VAV2: variants seen among roughly 807,000 people sequenced by gnomAD.
VAV2 encodes the protein guanine nucleotide exchange factor VAV2.
In VAV2, 67 loss-of-function variants were observed where a neutral mutation model predicts 132.5. The ratio of observed to expected loss-of-function variants is 0.51; its 90% CI spans 0.42 to 0.62. The LOEUF (loss-of-function observed/expected upper bound fraction) is 0.62. VAV2 is among the 20% of genes least tolerant of loss of function. The pLI is 0.00. For missense variants in VAV2, 938 were observed against 1,153.6 expected (o/e 0.81, Z 2.71); for synonymous variants, 492 against 443.5 (o/e 1.11, Z -1.37).
intron 1 of VAV2, among the ~76,000 whole-genome samples, chr9:133,951,050 C>T (rs1225938181): frequency 6.6e-6 from 1 of 152,190 alleles, no homozygotes; most frequent in Non-Finnish European, 1.5e-5. Context: ...GAACGATTCT[C>T]GCTATTATCC....
chr9:133,928,450 T>C lies in VAV2; in HGVS notation c.321+10653A>G, dbSNP rs1381771659. On this transcript the variant is annotated intron_variant, in intron 2 of 29. Transcript: ENST00000371850. This position sits in a 1 kb window ranked among gnomAD's most constrained non-coding sequence, Gnocchi z 5.4. ...CGACTGCATTTTAATAAGTAATTAGTGTGGAGTGGATGCTGCTACAAAGAC... is the reference window on the plus strand; with the variant it reads ...CGACTGCATTTTAATAAGTAATTAGCGTGGAGTGGATGCTGCTACAAAGAC... Among the ~76,000 whole-genome samples, 1 of 152,108 alleles carries C rather than the reference T, an allele frequency of 6.6e-6. No individual in the cohort carries two copies. The highest frequency in any genetic ancestry group is 2.4e-5 in the African/African-American group (1 of 41,414).
At chr9:133,846,547 A>G (rs1836942443) in intron 3 of VAV2, among the ~76,000 whole-genome samples, 1 of 147,700 alleles carries the variant, frequency 6.8e-6, no homozygotes, top group Admixed American at 6.6e-5. Flanking sequence ...TCCCCTGTCC[A>G]GCCCTGTCCC....
At chr9:133,908,105 G>A (rs2132034710) in intron 2 of VAV2, among the ~76,000 whole-genome samples, 1 of 150,058 alleles carries the variant, frequency 6.7e-6, no homozygotes, top group African/African-American at 2.5e-5. Context: ...AGGGTCTGGG[G>A]GCACCCCTCC....
Position 133,763,412 on chromosome 9 carries a change from CG to C in VAV2, c.*649del, listed in dbSNP as rs1564320864. 1 of 152,370 alleles carries C rather than the reference CG, an allele frequency of 6.6e-6. No homozygotes were observed. The highest frequency in any genetic ancestry group is 1.5e-5 in the Non-Finnish European group (1 of 68,190). The allele number at this position is 152,370 out of a possible 1,614,324, so 9.4% of individuals were successfully genotyped here. On this transcript the variant is annotated 3_prime_UTR_variant, in exon 30 of 30. Transcript: ENST00000371850. The surrounding 1 kb of genome is among the most constrained non-coding windows in gnomAD (Gnocchi z 6.8). Reference sequence around the variant, plus strand: ...AGAGAGGGGCCTGCCGTGTGGGGTCCGGGTGTGCCCCTGGCAAGGAGGGGAG... The same window carrying C: ...AGAGAGGGGCCTGCCGTGTGGGGTCCGGTGTGCCCCTGGCAAGGAGGGGAG...
chr9:133,770,381 G>C lies in VAV2; in HGVS notation c.2344C>G (p.Pro782Ala). The C allele has an allele frequency of 6.2e-7, 1 of 1,613,998 alleles. No individual in the cohort carries two copies. Among genetic ancestry groups the C allele is most frequent in the Non-Finnish European group, 8.5e-7 (1 of 1,179,934 alleles). The change falls in exon 27 of 30, where the codon CCA becomes GCA. Residue 782 changes from proline (P) to alanine (A), a missense_variant. By Grantham distance (27) the Pro-to-Ala change is conservative. Coordinates refer to ENST00000371850, the MANE Select transcript of VAV2 (RefSeq NM_001134398.2). ...RSASRASSRS[P>A]ASCASYNFSF... ...GCCGGCTGGGCCGGGGCGTTACCTG[G>C]GGACCGGCTGGAGGCCCTGGAGGCC...
chr9:133,839,370 G>A (rs1836624390), intron 3 of VAV2, among the ~76,000 whole-genome samples: 1 of 152,066 alleles, frequency 6.6e-6, no homozygotes, highest in Admixed American at 6.6e-5. Flanking sequence ...GCATGGATAA[G>A]TGGACAGAAA....
In VAV2 at chr9:133,875,877, G is replaced by A. The variant is rs542413758; in HGVS notation, c.322-14445C>T. 2.2e-3 allele frequency among the ~76,000 whole-genome samples: 339 copies of A among 152,332 alleles called. 3 individuals are homozygous for A. The highest frequency in any genetic ancestry group is 9.4e-4 in the Non-Finnish European group (64 of 68,022). On this transcript the variant is annotated intron_variant, in intron 2 of 29. Coordinates refer to ENST00000371850, the MANE Select transcript of VAV2 (RefSeq NM_001134398.2). ...TCCAGAGGAGACCAGCATCTGAGTC[G>A]GCAGCCGAGTATAGCAGACGCCTCC...
chr9:133,806,120 C>T lies in VAV2; in HGVS notation c.797G>A (p.Gly266Asp), dbSNP rs143919789. 2 of 1,612,942 alleles carry T rather than the reference C, an allele frequency of 1.2e-6. No homozygotes were observed. The highest frequency in any genetic ancestry group is 1.7e-6 in the Non-Finnish European group (2 of 1,179,954). The change falls in exon 9 of 30, where the codon GGC (glycine) becomes GAC (aspartate). Residue 266 changes from glycine (G) to aspartate (D), a missense_variant. Gly to Asp is a moderately conservative substitution (Grantham distance 94, BLOSUM62 -1). Coordinates refer to ENST00000371850, the MANE Select transcript of VAV2 (RefSeq NM_001134398.2). ...RAIDVSVMVGGSTLAKVFLDF... is the reference protein window; with the variant it reads ...RAIDVSVMVGDSTLAKVFLDF... ...GAGGAAGACCTTGGCCAGCGTGCTG[C>T]CCCCCACCATCACGGACACGTCGAT...
At chr9:133,807,233 G>A in intron 8 of VAV2, 25 bp downstream of exon 8, 3 of 1,605,836 alleles carry the variant, frequency 1.9e-6, no homozygotes, top group Non-Finnish European at 2.5e-6. Flanking sequence ...AGCCTGGCAT[G>A]AGCGATGGGG....
At chr9:133,815,264 T>C (rs1456212540) in intron 4 of VAV2, among the ~76,000 whole-genome samples, 1 of 152,080 alleles carries the variant, frequency 6.6e-6, no homozygotes, top group Non-Finnish European at 1.5e-5. Flanking sequence ...TCCACGTCTG[T>C]GTAGCACCCG....
rs141567961 is a variant in VAV2 at position 133,803,925 on chromosome 9, C to T, written c.836+2156G>A. On this transcript the variant is annotated intron_variant, in intron 9 of 29. Transcript: ENST00000371850. ...TAAGCTTCTGCTCCCCAACCCGCCT[C>T]GCCCCACCCCTGCAGGACTGTGCTC... Among the ~76,000 whole-genome samples, 179 of 152,308 alleles carry T rather than the reference C, an allele frequency of 1.2e-3. 1 individual carries two copies. The East Asian group carries it at 0.03, about 26-fold the overall frequency.
intron 2 of VAV2, among the ~76,000 whole-genome samples, chr9:133,874,065 TG>T (rs1838167147): frequency 1.3e-5 from 2 of 152,180 alleles, no homozygotes; most frequent in South Asian, 4.2e-4. Context: ...TCACCGGGGC[TG>T]GGGCAGACAG....
chr9:133,879,778 C>A lies in VAV2; in HGVS notation c.322-18346G>T, dbSNP rs1370633459. The stretch of plus-strand genomic sequence containing the variant: ...CCGATCTGTGCAATGTGAGCCCCTG[C>A]AGGAAAAAAGTCTAAAGTGATTTTT... On this transcript the variant is annotated intron_variant, in intron 2 of 29. Transcript: ENST00000371850. The surrounding 1 kb of genome is among the most constrained non-coding windows in gnomAD (Gnocchi z 4.4). 6.6e-6 allele frequency among the ~76,000 whole-genome samples: 1 copy of A among 152,128 alleles called. No individual in the cohort carries two copies. Among genetic ancestry groups the A allele is most frequent in the Admixed American group, 6.6e-5 (1 of 15,260 alleles).
rs777595188 is a variant in VAV2, at chr9:133,885,858, G to A, written c.322-24426C>T. Among the ~76,000 whole-genome samples the A allele has an allele frequency of 1.2e-4, 18 of 152,196 alleles. No individual in the cohort carries two copies. The highest frequency in any genetic ancestry group is 2.2e-4 in the Non-Finnish European group (15 of 68,040). On this transcript the variant is annotated intron_variant, in intron 2 of 29. Transcript: ENST00000371850. This position sits in a 1 kb window ranked among gnomAD's most constrained non-coding sequence, Gnocchi z 5.0. ...AAGGAACCACAGGCGCCACTGGGAC[G>A]GCCCATTGGTGACAACCAAACTCAG...
intron 2 of VAV2, among the ~76,000 whole-genome samples, chr9:133,876,222 C>T (rs1041300339): frequency 6.6e-6 from 1 of 152,258 alleles, no homozygotes; most frequent in African/African-American, 2.4e-5. Flanking sequence ...TATCCATATG[C>T]TATCAGCGCT....
intron 1 of VAV2, among the ~76,000 whole-genome samples, chr9:133,946,624 C>T (rs1161749492): frequency 1.3e-5 from 2 of 152,364 alleles, no homozygotes; most frequent in Non-Finnish European, 2.9e-5. Context: ...GCTCTGCTTC[C>T]AGCTGGAGTG....
intron 3 of VAV2, among the ~76,000 whole-genome samples, chr9:133,836,162 C>T (rs118103383): frequency 0.012 from 1,827 of 152,334 alleles, 22 homozygotes; most frequent in African/African-American, 0.036. Context: ...ACACAGATCC[C>T]GCCCAGGTGA....
intron 1 of VAV2, among the ~76,000 whole-genome samples, chr9:133,957,656 C>A (rs1359729264): frequency 6.6e-6 from 1 of 152,098 alleles, no homozygotes; most frequent in Admixed American, 6.5e-5. Flanking sequence ...GTTCCCTGCA[C>A]CCGCTGTCAC....
chr9:133,856,665 G>A (rs1194872875), intron 3 of VAV2, among the ~76,000 whole-genome samples: 1 of 152,200 alleles, frequency 6.6e-6, no homozygotes, highest in Admixed American at 6.5e-5. Context: ...GAAGTCTGAA[G>A]CGGGTCTTAG....
Sources: gnomAD v4.1 joint callset for allele counts (sites outside exome capture counted in the v4.1 genomes callset) on GRCh38, gnomAD v4.1.1 for gene constraint, Gnocchi (gnomAD v3.1) non-coding constraint, MANE v1.5 for transcripts, NCBI Gene and HGNC (gene_info 2026-07-23, HGNC 2026-07-21) for gene names.